Variants in ALK observed in about 807,000 individuals in gnomAD.
The protein encoded by ALK is ALK tyrosine kinase receptor.
ALK carries 74 observed loss-of-function variants against 163.1 expected under a neutral mutation model. The ratio of observed to expected loss-of-function variants is 0.45; its 90% CI spans 0.38 to 0.55. The LOEUF (loss-of-function observed/expected upper bound fraction) is 0.55, where lower values mean the gene tolerates loss of function less well. Ranked by LOEUF, ALK falls within the 20% of genes least tolerant of loss-of-function variation. The pLI is 0.00. For missense variants in ALK, 2,063 were observed against 2,105.3 expected, an observed-to-expected ratio of 0.98 and a Z score of 0.39; for synonymous variants, 960 against 843.2, an observed-to-expected ratio of 1.14 and a Z score of -2.40.
chr2:29,371,854 C>G (rs1373682103), intron 5 of ALK, among the ~76,000 whole-genome samples: 3 of 152,184 alleles, frequency 2.0e-5, no homozygotes, highest in Non-Finnish European at 2.9e-5. Flanking sequence ...ACCTCCTCCT[C>G]ATGTTCCTCT....
chr2:29,397,077 T>C (rs979339293), intron 4 of ALK, among the ~76,000 whole-genome samples: 2 of 152,062 alleles, frequency 1.3e-5, no homozygotes, highest in African/African-American at 4.8e-5. Flanking sequence ...GGCAGTATCA[T>C]TGTTTGAATT....
intron 1 of ALK, among the ~76,000 whole-genome samples, chr2:29,847,271 T>C (rs989123688): frequency 2.0e-5 from 3 of 151,994 alleles, no homozygotes; most frequent in East Asian, 3.9e-4. Flanking sequence ...ATCAGGAAAG[T>C]CGGGGAATAG....
chr2:29,300,295 TCCCA>T (rs1212958883), intron 8 of ALK, among the ~76,000 whole-genome samples: 2 of 152,066 alleles, frequency 1.3e-5, no homozygotes, highest in Admixed American at 6.6e-5. Flanking sequence ...ACACCTGTAA[TCCCA>T]CCACTCTGGG....
intron 3 of ALK, among the ~76,000 whole-genome samples, chr2:29,588,162 C>T (rs1276324045): frequency 6.6e-6 from 1 of 152,188 alleles, no homozygotes; most frequent in Non-Finnish European, 1.5e-5. Flanking sequence ...TCAAGAACGT[C>T]TCCACTGAGA....
chr2:29,707,482 A>G (rs534402685), intron 2 of ALK, among the ~76,000 whole-genome samples: 2 of 152,348 alleles, frequency 1.3e-5, no homozygotes, highest in East Asian at 3.9e-4. Context: ...AAAGGTCCAC[A>G]GAAAAAGCAA....
chr2:29,210,072 G>T (rs1040015347), intron 24 of ALK, among the ~76,000 whole-genome samples, 194 bp from the exon 25 acceptor site: 2 of 152,076 alleles, frequency 1.3e-5, no homozygotes, highest in African/African-American at 4.8e-5. Flanking sequence ...AGAGAGAAAT[G>T]GAAAAGGATT....
At chr2:29,708,060 TTGAC>T (rs1558452638) in intron 2 of ALK, among the ~76,000 whole-genome samples, 7 of 152,114 alleles carry the variant, frequency 4.6e-5, no homozygotes. Flanking sequence ...ACAGAGGAGA[TTGAC>T]TGACTGATTG....
intron 5 of ALK, among the ~76,000 whole-genome samples, chr2:29,382,694 A>G (rs928902563): frequency 6.6e-6 from 1 of 152,184 alleles, no homozygotes; most frequent in African/African-American, 2.4e-5. Context: ...GTGCGGAAAC[A>G]TTTGTACAAG....
At chr2:29,911,186 T>G (rs1572494015) in intron 1 of ALK, among the ~76,000 whole-genome samples, 1 of 152,216 alleles carries the variant, frequency 6.6e-6, no homozygotes, top group South Asian at 2.1e-4. Context: ...CCCAAAGCAA[T>G]CTTTTCTTTC....
At chr2:29,417,388 G>C (rs548573997) in intron 4 of ALK, among the ~76,000 whole-genome samples, 9 of 152,220 alleles carry the variant, frequency 5.9e-5, no homozygotes, top group African/African-American at 1.7e-4. Context: ...GAATGAATCT[G>C]TTCTTGAGCT....
chr2:29,670,021 G>A (rs181574882), intron 3 of ALK, among the ~76,000 whole-genome samples: 3 of 151,944 alleles, frequency 2.0e-5, no homozygotes, highest in African/African-American at 4.8e-5. Flanking sequence ...TGTCTTTTGG[G>A]CCTCATATTA....
At chr2:29,788,756 C>T (rs971305531) in intron 1 of ALK, among the ~76,000 whole-genome samples, 1 of 152,148 alleles carries the variant, frequency 6.6e-6, no homozygotes, top group African/African-American at 2.4e-5. Context: ...AGCTTTACAA[C>T]CTGGAGGGCT....
chr2:29,193,672 TC>T lies in ALK; in HGVS notation c.4414del (p.Glu1472LysfsTer5). 1.2e-6 allele frequency: 2 copies of T among 1,614,060 alleles called. No individual in the cohort carries two copies. The highest frequency in any genetic ancestry group is 1.7e-6 in the Non-Finnish European group (2 of 1,179,900). Reference protein sequence around the residue: ...SVRVPRGPAVEGGHVNMAFSQ... With the variant: ...SVRVPRGPAVXGGHVNMAFSQ... ...GAATGCCATATTCACGTGTCCCCCT[TC>T]CACGGCCGGCCCTCTAGGGACTCGA... On this transcript the variant is annotated frameshift_variant, in exon 29 of 29. Transcript: ENST00000389048. LOFTEE classifies it low-confidence loss of function (END_TRUNC).
intron 5 of ALK, among the ~76,000 whole-genome samples, chr2:29,381,237 C>T (rs1480080115): frequency 6.6e-6 from 1 of 152,244 alleles, no homozygotes; most frequent in Non-Finnish European, 1.5e-5. Context: ...ACAGCATTAT[C>T]GTAAAGCTTG....
chr2:29,432,558 T>G (rs191131973), intron 4 of ALK, among the ~76,000 whole-genome samples: 1 of 152,302 alleles, frequency 6.6e-6, no homozygotes, highest in African/African-American at 2.4e-5. Context: ...CAGATTTGTA[T>G]GATAACGAGG....
chr2:29,900,979 AAGAGAGAGAG>A (rs372397564), intron 1 of ALK, among the ~76,000 whole-genome samples: 1 of 146,706 alleles, frequency 6.8e-6, no homozygotes. Flanking sequence ...GAAAGAAAGA[AAGAGAGAGAG>A]AGAGAGAGCA....
rs185804512 is a variant in ALK at position 29,704,060 on chromosome 2, G to A, written c.788-9046C>T. On this transcript the variant is annotated intron_variant, in intron 2 of 28. Transcript: ENST00000389048. ...GAGACTGGTTTTCTTAATGGCATAG[G>A]AAAATGCCAATGTATTCCTGACAAG... Among the ~76,000 whole-genome samples, 137 of 152,128 alleles carry A rather than the reference G, an allele frequency of 9.0e-4. 1 individual carries two copies. Among genetic ancestry groups the A allele is most frequent in the African/African-American group, 3.1e-3 (128 of 41,500 alleles).
chr2:29,811,310 T>C (rs908094536), intron 1 of ALK, among the ~76,000 whole-genome samples: 6 of 151,978 alleles, frequency 3.9e-5, no homozygotes, highest in Non-Finnish European at 8.8e-5. Context: ...AGAAAGAAGT[T>C]TGGTAGGATG....
intron 3 of ALK, among the ~76,000 whole-genome samples, chr2:29,668,764 G>C (rs780042273): frequency 6.6e-5 from 10 of 152,050 alleles, no homozygotes; most frequent in African/African-American, 2.4e-4. Flanking sequence ...CCCAAAACTG[G>C]GTAATTTATA....
Sources: gnomAD v4.1 joint callset for allele counts (sites outside exome capture counted in the v4.1 genomes callset) on GRCh38, gnomAD v4.1.1 for gene constraint, MANE v1.5 for transcripts, NCBI Gene and HGNC (gene_info 2026-07-23, HGNC 2026-07-21) for gene names.